Variants in RHOC observed in about 807,000 individuals in gnomAD.
The protein encoded by RHOC is ras homolog family member C, also known as rho-related GTP-binding protein RhoC.
In RHOC, 13 loss-of-function variants were observed where a neutral mutation model predicts 19.5. That is an observed-to-expected ratio of 0.67 (90% CI 0.43 to 1.06). The LOEUF (loss-of-function observed/expected upper bound fraction) is 1.06. RHOC is among the 50% of genes least tolerant of loss of function. RHOC has a pLI of 0.00. For synonymous variants in RHOC, 106 were observed against 97.3 expected, an observed-to-expected ratio of 1.09 and a Z score of -0.52; for missense variants, 173 against 256.9, an observed-to-expected ratio of 0.67 and a Z score of 2.23.
Position 112,706,491 on chromosome 1 carries a change from CACACA to C in RHOC, c.-77+582_-77+586del, listed in dbSNP as rs1557780799. ...ACACACACACACACACACACACACA[CACACA>C]CACACACACACACACACACACACAC... On this transcript the variant is annotated intron_variant, in intron 1 of 5. Transcript: ENST00000339083. Among the ~76,000 whole-genome samples, 20 of 27,156 alleles carry C rather than the reference CACACA, an allele frequency of 7.4e-4. 3 individuals carry two copies. Among genetic ancestry groups the C allele is most frequent in the Admixed American group, 4.5e-3 (9 of 2,020 alleles). The allele number at this position is 27,156 out of a possible 152,430, so 17.8% of individuals were successfully genotyped here.
chr1:112,702,382 G>A (rs747714638), intron 5 of RHOC, among the ~76,000 whole-genome samples, 181 bp downstream of exon 5: 1 of 152,182 alleles, frequency 6.6e-6, no homozygotes, highest in Non-Finnish European at 1.5e-5. Flanking sequence ...AAGTGACTTT[G>A]GACAAGTCAC....
Position 112,703,370 on chromosome 1 carries a change from G to C in RHOC, c.157-251C>G, listed in dbSNP as rs1451359024. ...TGGTTAATTCTCACAACAACCCTTTGAGGGAGGTCTTACCATCATCCCCAT... is the reference window on the plus strand; with the variant it reads ...TGGTTAATTCTCACAACAACCCTTTCAGGGAGGTCTTACCATCATCCCCAT... On this transcript the variant is annotated intron_variant, in intron 3 of 5. Transcript: ENST00000339083. 1.1e-5 allele frequency: 8 copies of C among 715,036 alleles called. No homozygotes were observed. The African/African-American group carries it at 1.4e-4, about 12-fold the overall frequency. 44.3% of individuals were successfully genotyped at this position (715,036 alleles called of 1,614,324 possible).
At chr1:112,704,592 C>CATTAAAA in intron 2 of RHOC, 1 of 171,836 alleles carries the variant, frequency 5.8e-6, no homozygotes, top group Non-Finnish European at 1.3e-5. Flanking sequence ...TTCGACATGT[C>CATTAAAA]ACCTCAGGGG....
rs1478245143 is a variant in RHOC, at chr1:112,702,737, C to T, written c.278-44G>A. On this transcript the variant is annotated intron_variant, in intron 4 of 5. Transcript: ENST00000339083. ...ACAGGTGTCGGTGCCTCCACTTAAG[C>T]TAGAAAGCTCCCCTGGGGGGGCCCT... is the stretch of plus-strand genomic sequence containing the variant. 3.1e-6 allele frequency: 5 copies of T among 1,611,458 alleles called. No individual in the cohort carries two copies. The South Asian group carries it at 4.4e-5, about 14-fold the overall frequency.
chr1:112,702,068 T>G (rs1674661680), intron 5 of RHOC, among the ~76,000 whole-genome samples: 1 of 152,202 alleles, frequency 6.6e-6, no homozygotes, highest in African/African-American at 2.4e-5. Context: ...AACTTTGCCA[T>G]AATTATCTTT....
At chr1:112,703,174 A>G (rs1192571809) in intron 3 of RHOC, 55 bp from the exon 4 acceptor site, 3 of 1,605,458 alleles carry the variant, frequency 1.9e-6, no homozygotes. Context: ...CTGCCACCCA[A>G]AGGTCCCCTG....
In RHOC at chr1:112,702,566, C is replaced by G; in HGVS notation, c.405G>C (p.Lys135Asn). The G allele has an allele frequency of 1.2e-6, 2 of 1,613,994 alleles. No homozygotes were observed. The highest frequency in any genetic ancestry group is 1.7e-6 in the Non-Finnish European group (2 of 1,179,866). ...EHTRRELAKM[K>N]QEPVRSEEGR... ...CCAGCCTGGCAGCCGTACCCACCTG[C>G]TTCATCTTGGCCAGCTCTCTCCTGG... is the stretch of plus-strand genomic sequence containing the variant. The change falls in exon 5 of 6, where the codon AAG becomes AAC. Residue 135 changes from lysine to asparagine, a missense_variant. Transcript: ENST00000339083.
At chr1:112,704,940 C>T (rs927244422) in intron 2 of RHOC, 160 bp downstream of exon 2, 4 of 632,010 alleles carry the variant, frequency 6.3e-6, no homozygotes, top group South Asian at 1.8e-5. Context: ...CCAGCTCACC[C>T]GCATGCCCTG....
chr1:112,706,454 CACACACACACCACACACACACACA>C (rs1674857941), intron 1 of RHOC, among the ~76,000 whole-genome samples: 16 of 95,404 alleles, frequency 1.7e-4, no homozygotes, highest in Middle Eastern at 6.4e-3. Context: ...CACACACACA[CACACACACACCACACACACACACA>C]CACACACACA....
intron 3 of RHOC, chr1:112,703,382 A>G (rs1161941275): frequency 2.8e-6 from 2 of 716,070 alleles, no homozygotes; most frequent in African/African-American, 3.5e-5. Flanking sequence ...GGGAGGTCTT[A>G]CCATCATCCC....
upstream of RHOC, chr1:112,707,397 C>G (rs1674936475): frequency 6.6e-6 from 1 of 152,504 alleles, no homozygotes; most frequent in African/African-American, 2.4e-5. Flanking sequence ...TCTGCCCAGC[C>G]TTCAATCCCC....
In RHOC at chr1:112,702,996, C is replaced by T. The variant is rs368840677; in HGVS notation, c.277+3G>A. 15 of 1,613,840 alleles carry T rather than the reference C, an allele frequency of 9.3e-6. No individual in the cohort carries two copies. The highest frequency in any genetic ancestry group is 8.0e-5 in the African/African-American group (6 of 74,916). On this transcript the variant is annotated splice_donor_region_variant and intron_variant, in intron 4 of 5. Coordinates refer to ENST00000339083, the MANE Select transcript of RHOC (RefSeq NM_175744.5). ...CTCAGTCCCCTCCCTCCAATCCCCT[C>T]ACCCAGGCTGTCAGGGCTGTCGATG...
In RHOC at chr1:112,705,090, G is replaced by C. The variant is rs747750621; in HGVS notation, c.-8+10C>G. 2 of 702,534 alleles carry C rather than the reference G, an allele frequency of 2.8e-6. No homozygotes were observed. The highest frequency in any genetic ancestry group is 1.7e-5 in the African/African-American group (1 of 57,340). 43.5% of individuals were successfully genotyped at this position (702,534 alleles called of 1,614,324 possible). The stretch of plus-strand genomic sequence containing the variant: ...CCTCACTTCCTCCTTCCCTGGGGAG[G>C]GGAACTGACCTCCAGCCGGCTGAAG... On this transcript the variant is annotated intron_variant, in intron 2 of 5. Coordinates refer to ENST00000339083, the MANE Select transcript of RHOC (RefSeq NM_175744.5).
At chr1:112,706,233 T>A (rs981601836) in intron 1 of RHOC, 4 of 153,228 alleles carry the variant, frequency 2.6e-5, no homozygotes, top group Admixed American at 6.4e-5. Context: ...GCCGGTTGAC[T>A]TTGCCGGCCC....
intron 2 of RHOC, chr1:112,704,683 G>A (rs936248026): frequency 8.7e-5 from 16 of 183,818 alleles, no homozygotes; most frequent in African/African-American, 1.9e-4. Context: ...CACCCCACCC[G>A]GTCCCCAAAG....
In RHOC at chr1:112,701,511, G is replaced by A. The variant is rs1674627350; in HGVS notation, c.*29C>T. On this transcript the variant is annotated 3_prime_UTR_variant, in exon 6 of 6. Coordinates refer to ENST00000339083, the MANE Select transcript of RHOC (RefSeq NM_175744.5). ...TAATTTCTGTACCCCTGTGAAGGGA[G>A]GGGGCATGTAGGAAAGGCCTTGGGG... 1.9e-6 allele frequency: 3 copies of A among 1,614,090 alleles called. No homozygotes were observed. The highest frequency in any genetic ancestry group is 3.3e-5 in the Admixed American group (2 of 60,018).
intron 1 of RHOC, among the ~76,000 whole-genome samples, chr1:112,706,521 C>CACAA (rs1674897307): frequency 8.9e-6 from 1 of 112,798 alleles, no homozygotes; most frequent in African/African-American, 3.3e-5. Context: ...CACACACACA[C>CACAA]ACACACACAC....
chr1:112,702,453 T>C (rs1674685703), intron 5 of RHOC, 110 bp downstream of exon 5: 2 of 1,196,038 alleles, frequency 1.7e-6, no homozygotes, highest in South Asian at 1.4e-5. Context: ...GAGATATTAC[T>C]GTTTCCCCTA....
At chr1:112,701,972 C>T (rs547072388) in intron 5 of RHOC, among the ~76,000 whole-genome samples, 4 of 152,264 alleles carry the variant, frequency 2.6e-5, no homozygotes, top group African/African-American at 9.6e-5. Context: ...GCGTCTCCCA[C>T]CTCCTGACTG....
Sources: allele counts gnomAD v4.1 joint callset (sites outside exome capture counted in the v4.1 genomes callset), GRCh38; gene constraint gnomAD v4.1.1; transcripts MANE v1.5; gene names NCBI Gene and HGNC (gene_info 2026-07-23, HGNC 2026-07-21).